The following SHROOM4 variants were observed in gnomAD, a reference collection of about 807,000 sequenced individuals.
The protein encoded by SHROOM4 is shroom family member 4, also known as protein Shroom4.
In SHROOM4, 17 loss-of-function variants were observed where a neutral mutation model predicts 80.3. The ratio of observed to expected loss-of-function variants is 0.21; its 90% CI spans 0.14 to 0.32. The LOEUF (loss-of-function observed/expected upper bound fraction) is 0.32. Ranked by LOEUF, SHROOM4 falls within the 10% of genes least tolerant of loss-of-function variation. The pLI is 1.00. For synonymous variants in SHROOM4, 400 were observed against 437.5 expected (o/e 0.91, Z 1.07); for missense variants, 993 against 1,140.3 (o/e 0.87, Z 1.86).
In SHROOM4 at chrX:50,814,123, G is replaced by C. The variant is rs1176662689; in HGVS notation, c.-105C>G. ...TCGCCCTCCAGCTCTACGCCACCCC[G>C]CACCGCCCTGCTCCGCCTACTCTCC... On this transcript the variant is annotated 5_prime_UTR_variant, in exon 1 of 9. Coordinates refer to ENST00000376020, the MANE Select transcript of SHROOM4 (RefSeq NM_020717.5). The C allele has an allele frequency of 3.6e-6, 2 of 550,033 alleles. No individual in the cohort carries two copies. The highest frequency in any genetic ancestry group is 6.3e-6 in the Non-Finnish European group (2 of 316,787). The allele number at this position is 550,033 out of a possible 1,213,427, so 45.3% of individuals were successfully genotyped here.
intron 1 of SHROOM4, among the ~76,000 whole-genome samples, chrX:50,751,332 A>G (rs782728208): frequency 8.9e-6 from 1 of 112,217 alleles, no homozygotes; most frequent in East Asian, 2.8e-4. Context: ...AAGGCATTGA[A>G]TCCTCAGCTA....
In SHROOM4 at chrX:50,596,359, T is replaced by C. The variant is rs1929111574; in HGVS notation, c.*336A>G. On this transcript the variant is annotated 3_prime_UTR_variant, in exon 9 of 9. Coordinates refer to ENST00000376020, the MANE Select transcript of SHROOM4 (RefSeq NM_020717.5). ...GTTGATGATATGGGTGGGTGATGAG[T>C]ACTTGATGTCTTTGGTGTCCTAGTA... 5.0e-6 allele frequency: 2 copies of C among 400,364 alleles called. No individual in the cohort carries two copies. Among genetic ancestry groups the C allele is most frequent in the Non-Finnish European group, 9.3e-6 (2 of 215,909 alleles). The allele number at this position is 400,364 out of a possible 1,213,427, so 33.0% of individuals were successfully genotyped here. A position where few individuals can be genotyped will look rare whatever the true frequency, so the allele number is the denominator to read the frequency against.
At chrX:50,794,202 T>C (rs1935912620) in intron 1 of SHROOM4, among the ~76,000 whole-genome samples, 1 of 112,058 alleles carries the variant, frequency 8.9e-6, no homozygotes, top group Non-Finnish European at 1.9e-5. Context: ...TTATAGTCAA[T>C]GCTTAGTGAA....
At chrX:50,640,140 A>G (rs782702613) in intron 2 of SHROOM4, among the ~76,000 whole-genome samples, 63 of 111,866 alleles carry the variant, frequency 5.6e-4, no homozygotes, top group Non-Finnish European at 1.0e-3. Context: ...CTATTTGTCA[A>G]GCATCTACCA....
intron 4 of SHROOM4, among the ~76,000 whole-genome samples, chrX:50,627,926 GTT>G (rs1930874410): frequency 8.9e-6 from 1 of 111,936 alleles, no homozygotes; most frequent in African/African-American, 3.3e-5. Flanking sequence ...TAGGAATGCT[GTT>G]TCCCTCTTTC....
intron 1 of SHROOM4, among the ~76,000 whole-genome samples, chrX:50,736,326 G>A (rs893530866): frequency 2.3e-4 from 25 of 110,879 alleles, no homozygotes; most frequent in African/African-American, 8.2e-4. Context: ...GTGTGCCATG[G>A]TGGTTTGCTG....
chrX:50,661,285 C>T (rs782601205), intron 2 of SHROOM4, among the ~76,000 whole-genome samples: 1 of 111,363 alleles, frequency 9.0e-6, no homozygotes, highest in South Asian at 3.8e-4. Context: ...GTGGTGCGAT[C>T]TCCACTCACT....
At chrX:50,721,838 C>T (rs904797277) in intron 1 of SHROOM4, among the ~76,000 whole-genome samples, 1 of 111,596 alleles carries the variant, frequency 9.0e-6, no homozygotes, top group Admixed American at 9.5e-5. Flanking sequence ...GTATGTGTTG[C>T]TTTGGCCTCA....
rs1174198572 is a variant in SHROOM4 at position 50,593,582 on chromosome X, A to G, written c.*3113T>C. The stretch of plus-strand genomic sequence containing the variant: ...AAATAATATAATATGCTGTTGCAGA[A>G]ATATTATTGGCATAGACGACTCCTC... On this transcript the variant is annotated 3_prime_UTR_variant, in exon 9 of 9. Coordinates refer to ENST00000376020, the MANE Select transcript of SHROOM4 (RefSeq NM_020717.5). 2 of 107,349 alleles carry G rather than the reference A, an allele frequency of 1.9e-5. No homozygotes were observed. Among genetic ancestry groups the G allele is most frequent in the Non-Finnish European group, 3.8e-5 (2 of 52,176 alleles). The allele number at this position is 107,349 out of a possible 1,213,427, so 8.8% of individuals were successfully genotyped here.
downstream of SHROOM4, among the ~76,000 whole-genome samples, chrX:50,585,740 G>A (rs782389758): frequency 1.8e-4 from 20 of 111,617 alleles, no homozygotes; most frequent in Non-Finnish European, 3.6e-4. Context: ...GCAGAACTGC[G>A]TCCAGGTCTA....
At chrX:50,625,440 C>T (rs1245978090) in intron 5 of SHROOM4, among the ~76,000 whole-genome samples, 6 of 111,971 alleles carry the variant, frequency 5.4e-5, no homozygotes, top group African/African-American at 1.6e-4. Flanking sequence ...ATTACATCTA[C>T]ATGGTTATTA....
chrX:50,579,287 T>C, the SHROOM4 span, among the ~76,000 whole-genome samples: 1 of 112,006 alleles, frequency 8.9e-6, no homozygotes, highest in Non-Finnish European at 1.9e-5. Flanking sequence ...ACAGTGTGGA[T>C]TTCCTCTAAA....
chrX:50,675,324 C>T (rs1169603630), intron 2 of SHROOM4, among the ~76,000 whole-genome samples: 3 of 111,311 alleles, frequency 2.7e-5, no homozygotes, highest in Non-Finnish European at 3.8e-5. Flanking sequence ...TTCACTTGTA[C>T]CCCTGAACTT....
In SHROOM4 at chrX:50,685,131, G is replaced by A. The variant is rs183896974; in HGVS notation, c.269+10655C>T. 3.6e-5 allele frequency among the ~76,000 whole-genome samples: 4 copies of A among 112,044 alleles called. No individual in the cohort carries two copies. In the East Asian group the frequency reaches 1.1e-3, roughly 32 times the overall value. ...GGAGGGCATCCAGACAAGAGGTAAT[G>A]AGTCCCTGGCAGTAGCAGGACGAAG... On this transcript the variant is annotated intron_variant, in intron 2 of 8. Transcript: ENST00000376020.
chrX:50,750,777 C>A (rs1466432923), intron 1 of SHROOM4, among the ~76,000 whole-genome samples: 2 of 111,862 alleles, frequency 1.8e-5, no homozygotes, highest in African/African-American at 6.5e-5. Context: ...TATTTATCAT[C>A]CTTCATCATC....
intron 2 of SHROOM4, among the ~76,000 whole-genome samples, chrX:50,684,250 C>T (rs781971907): frequency 3.1e-4 from 35 of 111,432 alleles, no homozygotes; most frequent in African/African-American, 1.1e-3. Context: ...TAGACACAGA[C>T]ACACAGAGAC....
intron 2 of SHROOM4, among the ~76,000 whole-genome samples, chrX:50,676,036 T>A (rs1932850406): frequency 8.9e-6 from 1 of 111,951 alleles, no homozygotes; most frequent in African/African-American, 3.2e-5. Flanking sequence ...CTGCAGAAAG[T>A]GATTTAGTTC....
In SHROOM4 at chrX:50,633,396, G is replaced by C; in HGVS notation, c.2677C>G (p.Gln893Glu). 1 of 1,211,815 alleles carries C rather than the reference G, an allele frequency of 8.3e-7. No individual in the cohort carries two copies. Among genetic ancestry groups the C allele is most frequent in the Non-Finnish European group, 1.1e-6 (1 of 895,398 alleles). ...CAAGGATCATGGACTAGAGCTCCTT[G>C]AACACTGCAGGAGTAAGAGCAGGTC... ...HRTCSYSCSV[Q>E]GALVHDPCIY... Residue 893 changes from glutamine to glutamate, a missense_variant, in exon 4 of 9, where the codon CAA (glutamine) becomes GAA (glutamate). Gln to Glu is a conservative substitution (Grantham distance 29). Transcript: ENST00000376020.
rs113700266 is a variant in SHROOM4 at position 50,717,621 on chromosome X, C to T, written c.118-21684G>A. Among the ~76,000 whole-genome samples, 1,033 of 111,675 alleles carry T rather than the reference C, an allele frequency of 9.3e-3. 14 individuals carry two copies. Among genetic ancestry groups the T allele is most frequent in the African/African-American group, 0.032 (977 of 30,713 alleles). On this transcript the variant is annotated intron_variant, in intron 1 of 8. Coordinates refer to ENST00000376020, the MANE Select transcript of SHROOM4 (RefSeq NM_020717.5). ...CCCCACACACCAGTGTCTCTCTTGG[C>T]AGTGCTGGGACAGAAGGGACAAGAA...
Sources: allele counts gnomAD v4.1 joint callset (sites outside exome capture counted in the v4.1 genomes callset), GRCh38; gene constraint gnomAD v4.1.1; transcripts MANE v1.5; gene names NCBI Gene and HGNC (gene_info 2026-07-23, HGNC 2026-07-21).